Variants in COL4A5 observed in about 807,000 individuals in gnomAD.
COL4A5 encodes collagen alpha-5(IV) chain.
COL4A5 carries 26 observed loss-of-function variants against 130.2 expected under a neutral mutation model. The ratio of observed to expected loss-of-function variants is 0.20; its 90% CI spans 0.15 to 0.28. The LOEUF (loss-of-function observed/expected upper bound fraction) is 0.28. Ranked by LOEUF, COL4A5 falls within the 10% of genes least tolerant of loss-of-function variation. The probability of loss-of-function intolerance (pLI) is 1.00; values close to 1 mark genes in which losing one functional copy is unlikely to be tolerated. For synonymous variants in COL4A5, 496 were observed against 439.6 expected, an observed-to-expected ratio of 1.13 and a Z score of -1.60; for missense variants, 1,131 against 1,344.3, an observed-to-expected ratio of 0.84 and a Z score of 2.48.
intron 48 of COL4A5, 46 bp from the exon 49 acceptor site, chrX:108,687,436 A>G (rs1331131855): frequency 9.3e-7 from 1 of 1,071,094 alleles, no homozygotes. Context: ...ATAAGAGTGG[A>G]TCAGAGCTTA....
At chrX:108,670,295 C>A in intron 42 of COL4A5, 59 bp downstream of exon 42, 1 of 1,200,651 alleles carries the variant, frequency 8.3e-7, no homozygotes, top group Non-Finnish European at 1.1e-6. Context: ...TATACCTGTA[C>A]CAAATGTTTT....
intron 1 of COL4A5, among the ~76,000 whole-genome samples, chrX:108,512,446 T>A (rs780932456): frequency 8.9e-6 from 1 of 112,448 alleles, no homozygotes; most frequent in Non-Finnish European, 1.9e-5. Flanking sequence ...ATGCTATTAA[T>A]GAGATTAATC....
rs768755046 is a variant in COL4A5, at chrX:108,603,050, C to G, written c.2233C>G (p.Pro745Ala). 2 of 1,169,175 alleles carry G rather than the reference C, an allele frequency of 1.7e-6. No individual in the cohort carries two copies. Among genetic ancestry groups the G allele is most frequent in the Admixed American group, 4.5e-5 (2 of 44,033 alleles). ...LEGPPGPPGF[P>A]GPKGEPGFAL... ...AGGCCCTCCTGGGCCACCCGGCTTT[C>G]CAGGACCAAAGGTCTGGGACATTTT... The change falls in exon 28 of 53, where the codon CCA becomes GCA. Residue 745 changes from proline (P) to alanine (A), a missense_variant. Pro to Ala is a conservative substitution (Grantham distance 27, BLOSUM62 -1). Coordinates refer to ENST00000328300, the MANE Select transcript of COL4A5 (RefSeq NM_033380.3).
chrX:108,630,567 A>G (rs1481159307), intron 36 of COL4A5, among the ~76,000 whole-genome samples: 1 of 111,958 alleles, frequency 8.9e-6, no homozygotes, highest in African/African-American at 3.2e-5. Flanking sequence ...CCTTTGTCAG[A>G]TGAGTAGATT....
intron 1 of COL4A5, among the ~76,000 whole-genome samples, chrX:108,482,470 A>C (rs2064901665): frequency 9.0e-6 from 1 of 111,244 alleles, no homozygotes; most frequent in Non-Finnish European, 1.9e-5. Context: ...TGGGTCAGGG[A>C]GGGGATGTTG....
chrX:108,646,593 C>G (rs1352575387), intron 36 of COL4A5, among the ~76,000 whole-genome samples: 1 of 111,591 alleles, frequency 9.0e-6, no homozygotes, highest in East Asian at 2.8e-4. Context: ...AATTAGATCC[C>G]ATTTGTCAAT....
At chrX:108,664,907 T>C (rs2068044656) in intron 37 of COL4A5, among the ~76,000 whole-genome samples, 1 of 112,123 alleles carries the variant, frequency 8.9e-6, no homozygotes, top group Non-Finnish European at 1.9e-5. Context: ...GCAACTGATA[T>C]CATCACAAAG....
At chrX:108,647,689 G>A (rs1488181349) in intron 36 of COL4A5, among the ~76,000 whole-genome samples, 1 of 111,488 alleles carries the variant, frequency 9.0e-6, no homozygotes, top group Non-Finnish European at 1.9e-5. Context: ...TCCAGTTTTT[G>A]CCCATTAAGT....
At chrX:108,619,265 A>G (rs910132286) in intron 30 of COL4A5, among the ~76,000 whole-genome samples, 33 of 111,593 alleles carry the variant, frequency 3.0e-4, no homozygotes, top group African/African-American at 8.8e-4. Flanking sequence ...CTTACTCTCT[A>G]CAAAAATAAT....
At chrX:108,552,316 A>T (rs1260169990) in intron 2 of COL4A5, among the ~76,000 whole-genome samples, 3 of 112,493 alleles carry the variant, frequency 2.7e-5, no homozygotes, top group African/African-American at 9.7e-5. Context: ...TGCTGCATGT[A>T]TCAATAGTTA....
chrX:108,634,546 G>A (rs1325227111), intron 36 of COL4A5, among the ~76,000 whole-genome samples: 1 of 111,722 alleles, frequency 9.0e-6, no homozygotes, highest in Admixed American at 9.5e-5. Context: ...GACAATTTCT[G>A]TGCCAAGGCA....
intron 29 of COL4A5, among the ~76,000 whole-genome samples, chrX:108,611,379 T>C (rs1691214902): frequency 9.0e-6 from 1 of 111,115 alleles, no homozygotes; most frequent in African/African-American, 3.3e-5. Context: ...CAGTTGAATT[T>C]AGACTTAAGG....
At chrX:108,549,335 G>C (rs1330875934) in intron 2 of COL4A5, among the ~76,000 whole-genome samples, 1 of 111,599 alleles carries the variant, frequency 9.0e-6, no homozygotes, top group African/African-American at 3.3e-5. Flanking sequence ...ATTTTCACCA[G>C]TGTAGACTAT....
intron 1 of COL4A5, among the ~76,000 whole-genome samples, chrX:108,464,513 G>C (rs959757605): frequency 1.8e-5 from 2 of 111,597 alleles, no homozygotes; most frequent in Non-Finnish European, 3.8e-5. Context: ...TTATTTCTTA[G>C]GAGGCTTCTT....
At chrX:108,541,847 A>G (rs1281715247) in intron 2 of COL4A5, among the ~76,000 whole-genome samples, 1 of 112,160 alleles carries the variant, frequency 8.9e-6, no homozygotes, top group Non-Finnish European at 1.9e-5. Flanking sequence ...TAGAAGTTTA[A>G]TCAATACTCT....
chrX:108,630,960 G>A (rs1465737557), intron 36 of COL4A5, among the ~76,000 whole-genome samples: 1 of 111,742 alleles, frequency 8.9e-6, no homozygotes, highest in Non-Finnish European at 1.9e-5. Context: ...AGATCAGATG[G>A]TTGTAGATGT....
At chrX:108,576,949 G>C (rs1320121238) in intron 10 of COL4A5, among the ~76,000 whole-genome samples, 1 of 111,698 alleles carries the variant, frequency 9.0e-6, no homozygotes, top group Non-Finnish European at 1.9e-5. Flanking sequence ...TGGAACATTG[G>C]TGCCCCTTGA....
At chrX:108,461,734 C>T (rs1385157720) in intron 1 of COL4A5, among the ~76,000 whole-genome samples, 4 of 110,946 alleles carry the variant, frequency 3.6e-5, no homozygotes, top group Non-Finnish European at 7.6e-5. Context: ...GCTGGGATTA[C>T]AGGCATGCGC....
chrX:108,597,187 CTTTG>C lies in COL4A5; in HGVS notation c.1587+124_1587+127del, dbSNP rs750878394. Reference sequence around the variant, plus strand: ...AATTTAATTTTTCCATTAAGTTGTACTTTGTTTGATTCCTTGACTCTTCCTGACT... The same window carrying C: ...AATTTAATTTTTCCATTAAGTTGTACTTTGATTCCTTGACTCTTCCTGACT... On this transcript the variant is annotated intron_variant, in intron 23 of 52. Transcript: ENST00000328300. 2.9e-5 allele frequency: 23 copies of C among 789,093 alleles called. No homozygotes were observed. In the East Asian group the frequency reaches 3.8e-4, roughly 13 times the overall value. 65.0% of individuals were successfully genotyped at this position (789,093 alleles called of 1,213,427 possible). A position where few individuals can be genotyped will look rare whatever the true frequency, so the allele number is the denominator to read the frequency against.
Sources: gnomAD v4.1 joint callset for allele counts (sites outside exome capture counted in the v4.1 genomes callset) on GRCh38, gnomAD v4.1.1 for gene constraint, MANE v1.5 for transcripts, NCBI Gene and HGNC (gene_info 2026-07-23, HGNC 2026-07-21) for gene names.